Variants in SCYL2 observed in about 807,000 individuals in gnomAD.
SCYL2 encodes the protein SCY1-like protein 2.
SCYL2 carries 36 observed loss-of-function variants against 100.4 expected under a neutral mutation model. That is an observed-to-expected ratio of 0.36 (90% CI 0.27 to 0.47). The LOEUF is 0.47. Among genes scored for constraint, SCYL2 ranks in the 20% least tolerant of loss-of-function variants. The pLI, the probability that SCYL2 is intolerant of heterozygous loss-of-function variation, is 1.00. For synonymous variants in SCYL2, 330 were observed against 359.2 expected (o/e 0.92, Z 0.92); for missense variants, 902 against 1,083.9 (o/e 0.83, Z 2.36).
Position 100,338,708 on chromosome 12 carries a change from A to G in SCYL2, c.2326A>G (p.Asn776Asp). 2 of 1,614,138 alleles carry G rather than the reference A, an allele frequency of 1.2e-6. No homozygotes were observed. The highest frequency in any genetic ancestry group is 8.5e-7 in the Non-Finnish European group (1 of 1,179,976). ...KRNLTNGLNA[N>D]MGFQTSGFNM... ...AAATTTGACAAATGGCCTAAATGCC[A>G]ATATGGGCTTTCAGACTTCAGGATT... Residue 776 changes from asparagine (N) to aspartate (D), a missense_variant, in exon 18 of 18, where the codon AAT becomes GAT. Transcript: ENST00000360820.
rs532545939 is a variant in SCYL2 at position 100,267,477 on chromosome 12, G to A, written c.-344G>A. On this transcript the variant is annotated 5_prime_UTR_variant, in exon 1 of 18. Coordinates refer to ENST00000360820, the MANE Select transcript of SCYL2 (RefSeq NM_017988.6). ...TGGGCTCCCGGAGCCGGCGAGGAGG[G>A]AATGGAGGACTCGCGCCCGGGTTAG... 16 of 164,156 alleles carry A rather than the reference G, an allele frequency of 9.7e-5. No individual in the cohort carries two copies. In the South Asian group the frequency reaches 1.7e-3, roughly 18 times the overall value. The allele number at this position is 164,156 out of a possible 1,614,324, so 10.2% of individuals were successfully genotyped here. A position where few individuals can be genotyped will look rare whatever the true frequency, so the allele number is the denominator to read the frequency against.
chr12:100,271,278 AAAAAG>A (rs1423543707), intron 1 of SCYL2, among the ~76,000 whole-genome samples: 1 of 151,044 alleles, frequency 6.6e-6, no homozygotes, highest in Non-Finnish European at 1.5e-5. Context: ...AAAAAAAAAA[AAAAAG>A]AGAGAGAGAA....
At chr12:100,333,233 CT>C (rs1952233660) in intron 13 of SCYL2, among the ~76,000 whole-genome samples, 1 of 152,088 alleles carries the variant, frequency 6.6e-6, no homozygotes, top group Non-Finnish European at 1.5e-5. Flanking sequence ...GAAGAAGCTG[CT>C]GCTGATAGAG....
intron 3 of SCYL2, among the ~76,000 whole-genome samples, chr12:100,292,705 A>C (rs183689755): frequency 6.6e-6 from 1 of 152,350 alleles, no homozygotes; most frequent in Non-Finnish European, 1.5e-5. Context: ...AGGATCAAAG[A>C]AACTGTATGG....
At position 100,340,269 on chromosome 12, in the gene SCYL2, A is replaced by G. The variant is rs1592976957; in HGVS notation, c.*1097A>G. ...AGGAACCTTTTGTTTAAATATTTTAATTTCTATTAGCCATTTTTAGGAAGG... is the reference window on the plus strand; with the variant it reads ...AGGAACCTTTTGTTTAAATATTTTAGTTTCTATTAGCCATTTTTAGGAAGG... On this transcript the variant is annotated 3_prime_UTR_variant, in exon 18 of 18. Coordinates refer to ENST00000360820, the MANE Select transcript of SCYL2 (RefSeq NM_017988.6). 1 of 152,548 alleles carries G rather than the reference A, an allele frequency of 6.6e-6. No homozygotes were observed. The highest frequency in any genetic ancestry group is 1.9e-4 in the East Asian group (1 of 5,188). The allele number at this position is 152,548 out of a possible 1,614,324, so 9.4% of individuals were successfully genotyped here. A position where few individuals can be genotyped will look rare whatever the true frequency, so the allele number is the denominator to read the frequency against.
chr12:100,295,451 C>T (rs2096318522), intron 3 of SCYL2, among the ~76,000 whole-genome samples: 1 of 152,188 alleles, frequency 6.6e-6, no homozygotes, highest in Non-Finnish European at 1.5e-5. Flanking sequence ...ATCCCGGCAC[C>T]TCGGGAGGCC....
intron 1 of SCYL2, among the ~76,000 whole-genome samples, chr12:100,279,969 C>T (rs2096296343): frequency 6.6e-6 from 1 of 152,230 alleles, no homozygotes; most frequent in South Asian, 2.1e-4. Flanking sequence ...TCTACCTCCG[C>T]ATTCTTGAAT....
intron 9 of SCYL2, 165 bp from the exon 10 acceptor site, chr12:100,317,635 AATG>A: frequency 7.2e-7 from 1 of 1,393,274 alleles, no homozygotes; most frequent in Non-Finnish European, 9.3e-7. Context: ...TGCCTCCAGA[AATG>A]TAAGAGACTT....
In SCYL2 at chr12:100,313,453, A is replaced by G; in HGVS notation, c.884A>G (p.Asn295Ser). 6.2e-7 allele frequency: 1 copy of G among 1,604,984 alleles called. No homozygotes were observed. The highest frequency in any genetic ancestry group is 8.5e-7 in the Non-Finnish European group (1 of 1,172,364). The change falls in exon 7 of 18, where the codon AAT (asparagine) becomes AGT (serine). Residue 295 changes from asparagine to serine, a missense_variant. By Grantham distance (46) the Asn-to-Ser change is conservative. Transcript: ENST00000360820. ...CGTTTAGGATCTAGTTCACTTACAA[A>G]TATACCTGAGGAAGTTCGTGAACAT... ...LSRLGSSSLTNIPEEVREHVK... is the reference protein window; with the variant it reads ...LSRLGSSSLTSIPEEVREHVK...
At chr12:100,306,272 G>A (rs1476742422) in intron 4 of SCYL2, among the ~76,000 whole-genome samples, 3 of 152,090 alleles carry the variant, frequency 2.0e-5, no homozygotes, top group African/African-American at 4.8e-5. Context: ...CTGACAAACC[G>A]AATCCAGCAG....
intron 9 of SCYL2, 145 bp from the exon 10 acceptor site, chr12:100,317,658 G>GT: frequency 7.1e-6 from 10 of 1,407,736 alleles, no homozygotes; most frequent in Non-Finnish European, 9.2e-6. Context: ...TGATTTGTGT[G>GT]TTTTTGTCTT....
chr12:100,338,396 A>G, intron 17 of SCYL2, 132 bp from the exon 18 acceptor site: 1 of 659,072 alleles, frequency 1.5e-6, no homozygotes, highest in Non-Finnish European at 2.4e-6. Flanking sequence ...GGCAGGCTAT[A>G]GTTTGCTAAT....
chr12:100,315,800 A>C, intron 9 of SCYL2, 66 bp downstream of exon 9: 1 of 1,322,246 alleles, frequency 7.6e-7, no homozygotes, highest in Non-Finnish European at 1.0e-6. Context: ...CACTGAAAAC[A>C]AAAGGAATGA....
rs1952292115 is a variant in SCYL2 at position 100,337,399 on chromosome 12, C to G, written c.2038C>G (p.Leu680Val). 6.2e-7 allele frequency: 1 copy of G among 1,603,702 alleles called. No homozygotes were observed. Residue 680 changes from leucine to valine, a missense_variant, in exon 17 of 18, where the codon CTT (leucine) becomes GTT (valine). Physicochemically the swap from Leu to Val is conservative, Grantham distance 32. Transcript: ENST00000360820. The stretch of plus-strand genomic sequence containing the variant: ...ATTTTGTTTTAAGGCATCACTTACA[C>G]TTGAAGAAAAACAAAAATTAGCAAA... ...QNKHKRASLT[L>V]EEKQKLAKEQ...
intron 16 of SCYL2, 99 bp downstream of exon 16, chr12:100,336,005 C>T: frequency 1.2e-6 from 1 of 820,490 alleles, no homozygotes; most frequent in Non-Finnish European, 2.0e-6. Context: ...AGCAGCTTAA[C>T]AAGAAACATT....
intron 1 of SCYL2, among the ~76,000 whole-genome samples, chr12:100,269,345 G>A (rs979241244): frequency 5.3e-5 from 8 of 151,578 alleles, no homozygotes; most frequent in Admixed American, 1.3e-4. Context: ...AGCCAATTAT[G>A]CCTATTCATC....
intron 3 of SCYL2, among the ~76,000 whole-genome samples, chr12:100,297,348 C>A (rs1356168763): frequency 6.6e-6 from 1 of 152,152 alleles, no homozygotes; most frequent in Non-Finnish European, 1.5e-5. Flanking sequence ...GACTTAAAGT[C>A]AGGTATCTGT....
chr12:100,304,475 G>A (rs935298649), intron 4 of SCYL2, among the ~76,000 whole-genome samples: 1 of 152,090 alleles, frequency 6.6e-6, no homozygotes, highest in African/African-American at 2.4e-5. Context: ...TCCCTCATGG[G>A]ACATACAGTC....
chr12:100,286,451 C>T (rs532907137), intron 2 of SCYL2, among the ~76,000 whole-genome samples: 1 of 151,822 alleles, frequency 6.6e-6, no homozygotes, highest in African/African-American at 2.4e-5. Context: ...TTTGCTTTTG[C>T]AGTAGACCTT....
Sources: allele counts gnomAD v4.1 joint callset (sites outside exome capture counted in the v4.1 genomes callset), GRCh38; gene constraint gnomAD v4.1.1; transcripts MANE v1.5; gene names NCBI Gene and HGNC (gene_info 2026-07-23, HGNC 2026-07-21).